GRID2: variants seen among roughly 807,000 people sequenced by gnomAD.
The protein encoded by GRID2 is glutamate ionotropic receptor delta type subunit 2.
In GRID2, 33 loss-of-function variants were observed where a neutral mutation model predicts 114.8. That is an observed-to-expected ratio of 0.29 (90% CI 0.22 to 0.38). GRID2 has a LOEUF of 0.38. GRID2 is among the 10% of genes least tolerant of loss of function. The probability of loss-of-function intolerance (pLI) is 1.00; values close to 1 mark genes in which losing one functional copy is unlikely to be tolerated. For synonymous variants in GRID2, 505 were observed against 449.9 expected (o/e 1.12, Z -1.55); for missense variants, 1,184 against 1,257.7 (o/e 0.94, Z 0.89).
intron 2 of GRID2, among the ~76,000 whole-genome samples, chr4:92,849,417 G>T (rs1440498678): frequency 6.6e-6 from 1 of 151,926 alleles, no homozygotes; most frequent in Non-Finnish European, 1.5e-5. Flanking sequence ...AAGGAAGTTT[G>T]AGACCATGCA....
chr4:92,520,385 CAAGG>C (rs1389284831), intron 1 of GRID2, among the ~76,000 whole-genome samples: 1 of 144,090 alleles, frequency 6.9e-6, no homozygotes, highest in Non-Finnish European at 1.6e-5. Context: ...TAAAAAAAAA[CAAGG>C]AATATGTATG....
chr4:93,613,902 T>TC lies in GRID2; in HGVS notation c.2194-12362dup, dbSNP rs1409733886. On this transcript the variant is annotated intron_variant, in intron 13 of 15. Transcript: ENST00000282020. Reference sequence around the variant, plus strand: ...AAGCCTGGGCAATGGCGGGCGCCCCTCCCCCAGCCTAGTTGCCGCCTTGCA... The same window carrying TC: ...AAGCCTGGGCAATGGCGGGCGCCCCTCCCCCCAGCCTAGTTGCCGCCTTGCA... Among the ~76,000 whole-genome samples, 43 of 151,360 alleles carry TC rather than the reference T, an allele frequency of 2.8e-4. No homozygotes were observed. In the South Asian group the frequency reaches 8.3e-3, roughly 29 times the overall value.
chr4:93,234,391 G>A (rs929226278), intron 7 of GRID2, among the ~76,000 whole-genome samples: 2 of 152,030 alleles, frequency 1.3e-5, no homozygotes, highest in Non-Finnish European at 2.9e-5. Flanking sequence ...ACAAGATGAA[G>A]GTTTCAGTTT....
At chr4:93,733,377 G>C (rs190086379) in intron 14 of GRID2, among the ~76,000 whole-genome samples, 6 of 152,184 alleles carry the variant, frequency 3.9e-5, no homozygotes, top group African/African-American at 1.4e-4. Context: ...AAGTGCTCTG[G>C]CTTCCTTATT....
chr4:92,930,570 C>G (rs1750149836), intron 2 of GRID2, among the ~76,000 whole-genome samples: 1 of 141,870 alleles, frequency 7.0e-6, no homozygotes, highest in Non-Finnish European at 1.5e-5. Flanking sequence ...TCTTGTTACA[C>G]TTTCGGCATT....
intron 2 of GRID2, among the ~76,000 whole-genome samples, chr4:92,774,285 C>T (rs149104739): frequency 6.6e-6 from 1 of 152,136 alleles, no homozygotes; most frequent in Non-Finnish European, 1.5e-5. Flanking sequence ...ATCTGATGCT[C>T]CACAAAATGT....
At chr4:92,440,270 G>A (rs1560630590) in intron 1 of GRID2, among the ~76,000 whole-genome samples, 1 of 146,014 alleles carries the variant, frequency 6.8e-6, no homozygotes, top group African/African-American at 2.4e-5. Context: ...AAAACTGCTT[G>A]GCTGATTTGA....
chr4:93,354,282 C>G (rs1761096259), intron 8 of GRID2, among the ~76,000 whole-genome samples: 1 of 151,884 alleles, frequency 6.6e-6, no homozygotes, highest in African/African-American at 2.4e-5. Flanking sequence ...ATTTATTTTT[C>G]ATAATTTCTT....
rs370136959 is a variant in GRID2, at chr4:92,557,757, C to T, written c.89-32374C>T. The stretch of plus-strand genomic sequence containing the variant: ...AGAAGGGCCTTGGACATCCTCTAGT[C>T]CTAGGTTTGTACTGTGTATCTAACT... On this transcript the variant is annotated intron_variant, in intron 1 of 15. Transcript: ENST00000282020. Among the ~76,000 whole-genome samples the T allele has an allele frequency of 1.2e-4, 18 of 151,706 alleles. 1 individual carries two copies. The South Asian group carries it at 1.5e-3, about 12-fold the overall frequency.
chr4:93,144,328 A>T (rs1431680148), intron 4 of GRID2, among the ~76,000 whole-genome samples: 1 of 152,220 alleles, frequency 6.6e-6, no homozygotes, highest in East Asian at 1.9e-4. Flanking sequence ...ATGTGTTGTG[A>T]TTATTTTTAA....
intron 2 of GRID2, among the ~76,000 whole-genome samples, chr4:92,656,814 C>A (rs1579781268): frequency 6.6e-6 from 1 of 151,540 alleles, no homozygotes; most frequent in Non-Finnish European, 1.5e-5. Context: ...CATTTTTTAG[C>A]AATTAGAGTA....
intron 2 of GRID2, among the ~76,000 whole-genome samples, chr4:92,715,220 C>T (rs1049586710): frequency 6.6e-6 from 1 of 152,188 alleles, no homozygotes; most frequent in African/African-American, 2.4e-5. Context: ...TAAAACATAA[C>T]AAGAGCCACC....
At chr4:93,056,954 T>C (rs1184700615) in intron 2 of GRID2, among the ~76,000 whole-genome samples, 1 of 152,012 alleles carries the variant, frequency 6.6e-6, no homozygotes, top group Non-Finnish European at 1.5e-5. Flanking sequence ...TAGAAAATTG[T>C]TCTGAGTTTA....
intron 1 of GRID2, among the ~76,000 whole-genome samples, chr4:93,804,771 C>T (rs762890981): frequency 5.3e-5 from 8 of 152,266 alleles, no homozygotes; most frequent in African/African-American, 1.7e-4. Flanking sequence ...TGCCCTCAAC[C>T]TTTCAAAAGC....
chr4:92,444,538 G>A (rs1383646481), intron 1 of GRID2, among the ~76,000 whole-genome samples: 1 of 152,132 alleles, frequency 6.6e-6, no homozygotes, highest in African/African-American at 2.4e-5. Flanking sequence ...CATCAGTTAA[G>A]GTGGGGCAGG....
intron 4 of GRID2, among the ~76,000 whole-genome samples, chr4:93,197,295 T>G (rs935854083): frequency 7.2e-5 from 11 of 152,172 alleles, no homozygotes; most frequent in Non-Finnish European, 1.5e-4. Context: ...CTTTACTAAT[T>G]ATTAACTCTT....
chr4:92,542,478 G>A (rs1726015436), intron 1 of GRID2, among the ~76,000 whole-genome samples: 1 of 152,120 alleles, frequency 6.6e-6, no homozygotes, highest in African/African-American at 2.4e-5. Context: ...AATGGCATTT[G>A]CAGCAACGTG....
intron 1 of GRID2, among the ~76,000 whole-genome samples, chr4:92,490,575 A>G (rs550394422): frequency 1.3e-5 from 2 of 152,300 alleles, no homozygotes; most frequent in South Asian, 4.1e-4. Flanking sequence ...TCTCACCTCC[A>G]TTAGACACTA....
intron 1 of GRID2, among the ~76,000 whole-genome samples, chr4:93,780,719 G>A (rs932946242): frequency 3.3e-5 from 5 of 152,190 alleles, no homozygotes; most frequent in South Asian, 2.1e-4. Flanking sequence ...CTGGGCTGGC[G>A]CTCACAGAGG....
Sources: allele counts gnomAD v4.1 joint callset (sites outside exome capture counted in the v4.1 genomes callset), GRCh38; gene constraint gnomAD v4.1.1; transcripts MANE v1.5; gene names NCBI Gene and HGNC (gene_info 2026-07-23, HGNC 2026-07-21).